The following HERPUD2 variants were observed in gnomAD, a reference collection of about 807,000 sequenced individuals.
The protein encoded by HERPUD2 is HERPUD family member 2, also known as homocysteine-responsive endoplasmic reticulum-resident ubiquitin-like domain member 2 protein.
Under a neutral mutation model 49.9 loss-of-function variants are expected in HERPUD2, and 13 were observed. That is an observed-to-expected ratio of 0.26 (90% CI 0.17 to 0.41). The LOEUF (loss-of-function observed/expected upper bound fraction) is 0.41, where lower values mean the gene tolerates loss of function less well. Ranked by LOEUF, HERPUD2 falls within the 10% of genes least tolerant of loss-of-function variation. HERPUD2 has a pLI of 1.00. For synonymous variants in HERPUD2, 172 were observed against 171.4 expected (o/e 1.00, Z -0.03); for missense variants, 449 against 492.2 (o/e 0.91, Z 0.83).
rs370031984 is a variant in HERPUD2 at position 35,670,380 on chromosome 7, T to G, written c.226-52A>C. On this transcript the variant is annotated intron_variant, in intron 3 of 8. Transcript: ENST00000311350. ...AGGGTAGTACTACAAAATGTACAGT[T>G]CAAAAAGTCAGTAGCTAAACTGAAA... 1.1e-5 allele frequency: 9 copies of G among 821,404 alleles called. No individual in the cohort carries two copies. The African/African-American group carries it at 1.6e-4, about 15-fold the overall frequency. 50.9% of individuals were successfully genotyped at this position (821,404 alleles called of 1,614,324 possible).
chr7:35,664,377 C>T (rs1371195857), intron 5 of HERPUD2, among the ~76,000 whole-genome samples: 3 of 152,110 alleles, frequency 2.0e-5, no homozygotes, highest in East Asian at 1.9e-4. Context: ...CTTGGAATTG[C>T]TATTCTCGAG....
Position 35,682,371 on chromosome 7 carries a change from A to G in HERPUD2, c.148-9093T>C, listed in dbSNP as rs796553236. The stretch of plus-strand genomic sequence containing the variant: ...TGTGTGTGTGTGTATATATATATAT[A>G]TATATATATATATATACTTAATCGG... On this transcript the variant is annotated intron_variant, in intron 2 of 8. Coordinates refer to ENST00000311350, the MANE Select transcript of HERPUD2 (RefSeq NM_022373.5). Among the ~76,000 whole-genome samples, 8 of 107,406 alleles carry G rather than the reference A, an allele frequency of 7.4e-5. 1 individual carries two copies. The highest frequency in any genetic ancestry group is 2.1e-4 in the African/African-American group (7 of 33,830). The allele number at this position is 107,406 out of a possible 152,430, so 70.5% of individuals were successfully genotyped here. A position where few individuals can be genotyped will look rare whatever the true frequency, so the allele number is the denominator to read the frequency against.
intron 2 of HERPUD2, among the ~76,000 whole-genome samples, chr7:35,690,221 T>C (rs1317256781): frequency 6.6e-6 from 1 of 152,210 alleles, no homozygotes; most frequent in Admixed American, 6.5e-5. Flanking sequence ...CAACTCACAA[T>C]TATCTATATA....
chr7:35,655,533 A>T (rs1281375398), intron 5 of HERPUD2, among the ~76,000 whole-genome samples: 2 of 152,212 alleles, frequency 1.3e-5, no homozygotes, highest in Non-Finnish European at 2.9e-5. Flanking sequence ...CATAGACGGA[A>T]CATATCTCAA....
In HERPUD2 at chr7:35,686,807, CTGGGGGGGGGGGGGTGGGGGGG is replaced by C. The variant is rs1188374102; in HGVS notation, c.147+7355_147+7376del. 8.0e-3 allele frequency among the ~76,000 whole-genome samples: 13 copies of C among 1,626 alleles called. 3 individuals are homozygous for C. Among genetic ancestry groups the C allele is most frequent in the South Asian group, 0.038 (2 of 52 alleles). 1.1% of individuals were successfully genotyped at this position (1,626 alleles called of 152,430 possible). A position where few individuals can be genotyped will look rare whatever the true frequency, so the allele number is the denominator to read the frequency against. The stretch of plus-strand genomic sequence containing the variant: ...CCTGTAATTCCAGCACTTTGGGAGG[CTGGGGGGGGGGGGGTGGGGGGG>C]TGGGGGGGGGCGCGAGTCACGAGGT... On this transcript the variant is annotated intron_variant, in intron 2 of 8. Coordinates refer to ENST00000311350, the MANE Select transcript of HERPUD2 (RefSeq NM_022373.5).
chr7:35,672,751 C>T (rs1785669044), intron 3 of HERPUD2, among the ~76,000 whole-genome samples: 1 of 152,036 alleles, frequency 6.6e-6, no homozygotes, highest in East Asian at 1.9e-4. Context: ...TCTTAGCTCT[C>T]AGCACCCACA....
chr7:35,670,767 A>AT (rs967330629), intron 3 of HERPUD2, among the ~76,000 whole-genome samples: 14 of 151,938 alleles, frequency 9.2e-5, no homozygotes, highest in East Asian at 1.9e-4. Flanking sequence ...TAGCAAGGTG[A>AT]TTTTTTTTAC....
intron 2 of HERPUD2, among the ~76,000 whole-genome samples, chr7:35,677,287 T>C (rs1222065263): frequency 6.6e-6 from 1 of 152,206 alleles, no homozygotes; most frequent in African/African-American, 2.4e-5. Context: ...GATTACTGCT[T>C]AGCAGCATAA....
intron 2 of HERPUD2, among the ~76,000 whole-genome samples, chr7:35,693,472 G>C (rs1323776893): frequency 6.6e-6 from 1 of 151,984 alleles, no homozygotes; most frequent in African/African-American, 2.4e-5. Flanking sequence ...TTCTGTTTAA[G>C]TTTCTGGGCC....
intron 5 of HERPUD2, among the ~76,000 whole-genome samples, chr7:35,664,538 A>G (rs551530540): frequency 7.2e-5 from 11 of 152,332 alleles, no homozygotes; most frequent in African/African-American, 2.6e-4. Flanking sequence ...AATCAGATGT[A>G]GATTTGGTCT....
At chr7:35,651,890 A>G (rs763404944) in intron 5 of HERPUD2, among the ~76,000 whole-genome samples, 2 of 152,192 alleles carry the variant, frequency 1.3e-5, no homozygotes, top group Admixed American at 1.3e-4. Flanking sequence ...AAAGCACCTG[A>G]GGAGAGTGAA....
At chr7:35,672,657 T>C (rs1376419908) in intron 3 of HERPUD2, among the ~76,000 whole-genome samples, 1 of 152,088 alleles carries the variant, frequency 6.6e-6, no homozygotes, top group Non-Finnish European at 1.5e-5. Flanking sequence ...CAAATGAACA[T>C]AAGCTAAAAG....
intron 6 of HERPUD2, among the ~76,000 whole-genome samples, 172 bp from the exon 7 acceptor site, chr7:35,635,630 A>G (rs1008614174): frequency 2.6e-5 from 4 of 152,180 alleles, no homozygotes; most frequent in African/African-American, 4.8e-5. Flanking sequence ...AAGTGGAGCC[A>G]AGGTTGATGG....
chr7:35,638,773 A>G (rs1784916651), intron 5 of HERPUD2, among the ~76,000 whole-genome samples: 1 of 152,222 alleles, frequency 6.6e-6, no homozygotes, highest in South Asian at 2.1e-4. Flanking sequence ...CATTACATGA[A>G]GCCAAAAATA....
intron 6 of HERPUD2, among the ~76,000 whole-genome samples, chr7:35,635,746 A>G (rs565558539): frequency 2.0e-5 from 3 of 152,282 alleles, no homozygotes; most frequent in Non-Finnish European, 2.9e-5. Context: ...CTCTCTTTCA[A>G]TAAATTACCT....
At chr7:35,639,751 T>C (rs1050666096) in intron 5 of HERPUD2, among the ~76,000 whole-genome samples, 7 of 152,194 alleles carry the variant, frequency 4.6e-5, no homozygotes, top group African/African-American at 1.2e-4. Context: ...TAATTGATTA[T>C]AGAAACCTAA....
At chr7:35,674,378 C>CATATATATATATATATATATATATAT (rs1562682656) in intron 2 of HERPUD2, among the ~76,000 whole-genome samples, 2 of 34,928 alleles carry the variant, frequency 5.7e-5, no homozygotes, top group Non-Finnish European at 1.1e-4. Context: ...AGTCTTACAA[C>CATATATATATATATATATATATATAT]CTATATATAT....
intron 5 of HERPUD2, among the ~76,000 whole-genome samples, chr7:35,645,166 A>G (rs1319250723): frequency 6.6e-6 from 1 of 152,224 alleles, no homozygotes; most frequent in Non-Finnish European, 1.5e-5. Context: ...GAATGTTTAA[A>G]AAGTACAATA....
At chr7:35,635,642 A>G (rs1191646972) in intron 6 of HERPUD2, among the ~76,000 whole-genome samples, 184 bp from the exon 7 acceptor site, 3 of 152,200 alleles carry the variant, frequency 2.0e-5, no homozygotes, top group Non-Finnish European at 4.4e-5. Flanking sequence ...GGTTGATGGT[A>G]GATGTCGCAC....
Sources: gnomAD v4.1 joint callset for allele counts (sites outside exome capture counted in the v4.1 genomes callset) on GRCh38, gnomAD v4.1.1 for gene constraint, MANE v1.5 for transcripts, NCBI Gene and HGNC (gene_info 2026-07-23, HGNC 2026-07-21) for gene names.